VWA3B: variants seen among roughly 807,000 people sequenced by gnomAD.
VWA3B encodes the protein von Willebrand factor A domain-containing protein 3B.
Under a neutral mutation model 158.3 loss-of-function variants are expected in VWA3B, and 138 were observed. The ratio of observed to expected loss-of-function variants is 0.87; its 90% CI spans 0.76 to 1.00. The LOEUF (loss-of-function observed/expected upper bound fraction) is 1.00, where lower values mean the gene tolerates loss of function less well. Ranked by LOEUF, VWA3B falls within the 50% of genes least tolerant of loss-of-function variation. The pLI is 0.00. For synonymous variants in VWA3B, 596 were observed against 587.3 expected (o/e 1.01, Z -0.21); for missense variants, 1,555 against 1,565.1 (o/e 0.99, Z 0.11).
intron 9 of VWA3B, among the ~76,000 whole-genome samples, chr2:98,183,339 A>G (rs557915577): frequency 1.3e-5 from 2 of 152,212 alleles, no homozygotes; most frequent in East Asian, 3.9e-4. Context: ...TAGGTAGATT[A>G]TTTAGGGTTC....
At chr2:98,179,603 C>A (rs371665628) in intron 8 of VWA3B, among the ~76,000 whole-genome samples, 40 of 152,316 alleles carry the variant, frequency 2.6e-4, no homozygotes, top group Middle Eastern at 6.8e-3. Context: ...CTTTCCACCA[C>A]ATTACAGAGC....
intron 26 of VWA3B, among the ~76,000 whole-genome samples, chr2:98,309,575 T>G (rs1446680482): frequency 2.0e-5 from 3 of 152,148 alleles, no homozygotes; most frequent in South Asian, 4.1e-4. Context: ...GATTTGGGAG[T>G]GTGTCCCAGT....
rs371762703 is a variant in VWA3B at position 98,121,444 on chromosome 2, G to A, written c.688G>A (p.Gly230Arg). The change falls in exon 5 of 28, where the codon GGG becomes AGG. Residue 230 changes from glycine to arginine, a missense_variant. Gly to Arg is a moderately radical substitution (Grantham distance 125, BLOSUM62 -2). Transcript: ENST00000477737. ...AGRLDALLEA[G>R]RDKTIESIYY... ...CCGCCTGGATGCTCTGCTGGAAGCC[G>A]GGAGAGACAAGACTGTAAGTGCGTG... The A allele has an allele frequency of 1.8e-5, 29 of 1,613,768 alleles. No individual in the cohort carries two copies. Among genetic ancestry groups the A allele is most frequent in the Middle Eastern group, 1.7e-4 (1 of 5,992 alleles).
At chr2:98,323,383 A>G in the VWA3B span, among the ~76,000 whole-genome samples, 2 of 152,180 alleles carry the variant, frequency 1.3e-5, no homozygotes, top group African/African-American at 4.8e-5. Flanking sequence ...ATCCAAAAAA[A>G]CAAATAAAAA....
chr2:98,193,057 C>T, intron 11 of VWA3B, 21 bp downstream of exon 11: 1 of 1,596,120 alleles, frequency 6.3e-7, no homozygotes, highest in East Asian at 2.2e-5. Context: ...ACTGTCGGTT[C>T]ATGCATTTGG....
intron 14 of VWA3B, among the ~76,000 whole-genome samples, chr2:98,226,018 C>T (rs971252224): frequency 6.6e-6 from 1 of 152,216 alleles, no homozygotes; most frequent in Non-Finnish European, 1.5e-5. Context: ...CCAGCTTGAT[C>T]TATAGGTTTA....
intron 20 of VWA3B, among the ~76,000 whole-genome samples, chr2:98,251,947 T>C (rs1394383958): frequency 6.6e-6 from 1 of 152,126 alleles, no homozygotes; most frequent in Admixed American, 6.5e-5. Flanking sequence ...AGGATGAGCA[T>C]TTCTTTGGGA....
the VWA3B span, among the ~76,000 whole-genome samples, chr2:98,330,216 C>T: frequency 1.3e-5 from 2 of 152,172 alleles, no homozygotes; most frequent in Non-Finnish European, 2.9e-5. Context: ...ACACCCATTT[C>T]CAGCCCCCAG....
Position 98,290,772 on chromosome 2 carries a change from C to A in VWA3B, c.3157+150C>A. 5 of 588,196 alleles carry A rather than the reference C, an allele frequency of 8.5e-6. 1 individual carries two copies. In the South Asian group the frequency reaches 1.2e-4, roughly 15 times the overall value. 36.4% of individuals were successfully genotyped at this position (588,196 alleles called of 1,614,324 possible). A position where few individuals can be genotyped will look rare whatever the true frequency, so the allele number is the denominator to read the frequency against. On this transcript the variant is annotated intron_variant, in intron 23 of 27. Coordinates refer to ENST00000477737, the MANE Select transcript of VWA3B (RefSeq NM_144992.5). ...TTTTCACAGAGAAGAAGTGGAATAT[C>A]TCTGGCCAGCTCATGAAATGAGCGT...
chr2:98,158,044 G>A (rs931936480), intron 7 of VWA3B, among the ~76,000 whole-genome samples: 2 of 152,186 alleles, frequency 1.3e-5, no homozygotes, highest in African/African-American at 4.8e-5. Flanking sequence ...CATTGTCAGT[G>A]TCTGGAATAC....
intron 20 of VWA3B, among the ~76,000 whole-genome samples, chr2:98,251,443 C>T (rs1486441133): frequency 6.6e-6 from 1 of 152,118 alleles, no homozygotes; most frequent in Non-Finnish European, 1.5e-5. Flanking sequence ...CTTGCTGAGA[C>T]AGGAGACTCT....
intron 24 of VWA3B, among the ~76,000 whole-genome samples, chr2:98,299,277 G>A (rs1690033588): frequency 6.6e-6 from 1 of 152,118 alleles, no homozygotes; most frequent in Admixed American, 6.5e-5. Flanking sequence ...TAAGTTCCCT[G>A]ACTCCAGACC....
intron 10 of VWA3B, among the ~76,000 whole-genome samples, chr2:98,190,893 C>A (rs1229831607): frequency 2.0e-5 from 3 of 152,088 alleles, no homozygotes; most frequent in Non-Finnish European, 4.4e-5. Context: ...CTGTTTCAAT[C>A]AAAATTAAAA....
chr2:98,167,765 A>G (rs1679212855), intron 8 of VWA3B, among the ~76,000 whole-genome samples: 1 of 152,172 alleles, frequency 6.6e-6, no homozygotes, highest in Non-Finnish European at 1.5e-5. Context: ...AAAGAATTAG[A>G]AGAAACGGGG....
intron 7 of VWA3B, among the ~76,000 whole-genome samples, chr2:98,136,602 CAAAAA>C (rs540145824): frequency 1.6e-5 from 2 of 125,372 alleles, no homozygotes; most frequent in African/African-American, 5.6e-5. Flanking sequence ...ATGAAAGGGC[CAAAAA>C]AAAAAAAAAG....
In VWA3B at chr2:98,239,409, G is replaced by A. The variant is rs1399840700; in HGVS notation, c.2673+2679G>A. Among the ~76,000 whole-genome samples the A allele has an allele frequency of 1.1e-4, 17 of 152,104 alleles. 1 individual carries two copies. The highest frequency in any genetic ancestry group is 1.0e-3 in the Admixed American group (16 of 15,278). ...TGAAAAAAATCAGAATATATAGTGT[G>A]TTAGAAACTTGGTTGTTCATGTGAC... is the stretch of plus-strand genomic sequence containing the variant. On this transcript the variant is annotated intron_variant, in intron 19 of 27. Coordinates refer to ENST00000477737, the MANE Select transcript of VWA3B (RefSeq NM_144992.5).
intron 8 of VWA3B, among the ~76,000 whole-genome samples, chr2:98,175,216 C>T (rs1310347448): frequency 3.9e-5 from 6 of 152,058 alleles, no homozygotes; most frequent in African/African-American, 1.2e-4. Context: ...TGTCCATGTC[C>T]AGGAGGAAGC....
chr2:98,123,488 C>G (rs1003717909), intron 5 of VWA3B, among the ~76,000 whole-genome samples: 1 of 152,196 alleles, frequency 6.6e-6, no homozygotes, highest in Admixed American at 6.5e-5. Context: ...CACCGCGGGC[C>G]AGGAAGACTG....
chr2:98,125,792 T>C lies in VWA3B; in HGVS notation c.703-2447T>C, dbSNP rs2104995592. 1.3e-5 allele frequency among the ~76,000 whole-genome samples: 2 copies of C among 152,210 alleles called. No homozygotes were observed. Among genetic ancestry groups the C allele is most frequent in the South Asian group, 4.2e-4 (2 of 4,816 alleles). ...CATTCTCCTGCCTCAGCCTCCCCAG[T>C]AGCTGGGACTACAGGCGCCTGCCAC... On this transcript the variant is annotated intron_variant, in intron 5 of 27. Transcript: ENST00000477737. This position sits in a 1 kb window ranked among gnomAD's most constrained non-coding sequence, Gnocchi z 4.1.
Sources: gnomAD v4.1 joint callset for allele counts (sites outside exome capture counted in the v4.1 genomes callset) on GRCh38, gnomAD v4.1.1 for gene constraint, Gnocchi (gnomAD v3.1) non-coding constraint, MANE v1.5 for transcripts, NCBI Gene and HGNC (gene_info 2026-07-23, HGNC 2026-07-21) for gene names.